The following SSH2 variants were observed in gnomAD, a reference collection of about 807,000 sequenced individuals.
SSH2 encodes slingshot protein phosphatase 2.
Under a neutral mutation model 135.2 loss-of-function variants are expected in SSH2, and 37 were observed. The ratio of observed to expected loss-of-function variants is 0.27; its 90% CI spans 0.21 to 0.36. The LOEUF (loss-of-function observed/expected upper bound fraction) is 0.36, where lower values mean the gene tolerates loss of function less well. Among genes scored for constraint, SSH2 ranks in the 10% least tolerant of loss-of-function variants. The pLI, the probability that SSH2 is intolerant of heterozygous loss-of-function variation, is 1.00. For synonymous variants in SSH2, 628 were observed against 646.2 expected (o/e 0.97, Z 0.43); for missense variants, 1,408 against 1,765.3 (o/e 0.80, Z 3.63).
At chr17:29,652,976 A>C (rs2036638341) in intron 12 of SSH2, among the ~76,000 whole-genome samples, 1 of 152,176 alleles carries the variant, frequency 6.6e-6, no homozygotes, top group Admixed American at 6.5e-5. Flanking sequence ...ATTTAAAATA[A>C]AAATGAACAA....
chr17:29,779,329 T>C (rs190103481), intron 3 of SSH2, among the ~76,000 whole-genome samples: 2 of 152,264 alleles, frequency 1.3e-5, no homozygotes, highest in East Asian at 3.9e-4. Flanking sequence ...GTTAAGTAGC[T>C]AGGAAAAGAG....
chr17:29,928,712 T>G (rs1256647717), intron 1 of SSH2: 1 of 395,018 alleles, frequency 2.5e-6, no homozygotes, highest in Non-Finnish European at 4.5e-6. Context: ...CAACAAAACT[T>G]TGAAATTCAG....
chr17:29,674,605 G>A (rs1014328716), intron 8 of SSH2, among the ~76,000 whole-genome samples: 3 of 151,992 alleles, frequency 2.0e-5, no homozygotes, highest in Non-Finnish European at 4.4e-5. Context: ...TTCCCCCTGT[G>A]ACTTCAACTC....
chr17:29,831,883 C>T (rs2151362836), intron 2 of SSH2, among the ~76,000 whole-genome samples: 1 of 152,128 alleles, frequency 6.6e-6, no homozygotes, highest in East Asian at 1.9e-4. Context: ...TCAGCTGCAA[C>T]TGTTTATACT....
intron 1 of SSH2, among the ~76,000 whole-genome samples, chr17:29,927,937 C>G (rs1452887106): frequency 2.6e-5 from 4 of 152,130 alleles, no homozygotes; most frequent in Non-Finnish European, 5.9e-5. Context: ...ATTAACATAC[C>G]TCAAGATTCT....
chr17:29,797,052 G>A (rs1345494150), intron 2 of SSH2, among the ~76,000 whole-genome samples: 1 of 151,268 alleles, frequency 6.6e-6, no homozygotes, highest in African/African-American at 2.4e-5. Context: ...TCAAACTTCT[G>A]GTCTCAAGTG....
At chr17:29,726,068 G>A (rs2039993708) in intron 3 of SSH2, among the ~76,000 whole-genome samples, 2 of 151,984 alleles carry the variant, frequency 1.3e-5, no homozygotes, top group South Asian at 2.1e-4. Flanking sequence ...GTAAGGAGGT[G>A]GTCAAGATGA....
intron 3 of SSH2, among the ~76,000 whole-genome samples, chr17:29,770,790 T>C (rs1254974968): frequency 2.6e-5 from 4 of 152,164 alleles, no homozygotes; most frequent in African/African-American, 2.4e-5. Context: ...TATTCTCCTA[T>C]GTTTAAATTG....
chr17:29,631,987 C>A lies in SSH2; in HGVS notation c.3207G>T (p.Arg1069Ser). 1 of 1,614,222 alleles carries A rather than the reference C, an allele frequency of 6.2e-7. No individual in the cohort carries two copies. Among genetic ancestry groups the A allele is most frequent in the Non-Finnish European group, 8.5e-7 (1 of 1,180,034 alleles). ...TSEKSGEQGL[R>S]KVNMEKSVTV... ...TGACAGATTTTTCCATGTTCACTTT[C>A]CTCAGCCCTTGCTCTCCGCTCTTCT... Residue 1069 changes from arginine (R) to serine (S), a missense_variant, in exon 16 of 16, where the codon AGG (arginine) becomes AGT (serine). This residue lies in a region of SSH2 where 1,080 missense variants were observed against 1,144.5 expected (regional missense o/e 0.94). Coordinates refer to ENST00000540801, the MANE Select transcript of SSH2 (RefSeq NM_001282129.2).
rs1394493057 is a variant in SSH2, at chr17:29,848,178, C to T, written c.144+671G>A. On this transcript the variant is annotated intron_variant, in intron 2 of 15. Transcript: ENST00000540801. ...TACTCAGGGGGAAGTTCACTTATATCTCAGGATATACTGAGAATTTCCACT... is the reference window on the plus strand; with the variant it reads ...TACTCAGGGGGAAGTTCACTTATATTTCAGGATATACTGAGAATTTCCACT... Among the ~76,000 whole-genome samples, 5 of 152,320 alleles carry T rather than the reference C, an allele frequency of 3.3e-5. No individual in the cohort carries two copies. In the East Asian group the frequency reaches 9.6e-4, roughly 29 times the overall value.
rs375746793 is a variant in SSH2 at position 29,783,059 on chromosome 17, A to AG, written c.188+10834dup. The stretch of plus-strand genomic sequence containing the variant: ...TGGTATAAAGGATAATTTGTTGGGT[A>AG]GGGGGCCATTGAATTGGGAGTGCTG... On this transcript the variant is annotated intron_variant, in intron 3 of 15. Transcript: ENST00000540801. Among the ~76,000 whole-genome samples, 137 of 152,032 alleles carry AG rather than the reference A, an allele frequency of 9.0e-4. 1 individual carries two copies. The highest frequency in any genetic ancestry group is 3.1e-3 in the African/African-American group (129 of 41,486).
At chr17:29,673,064 C>A (rs552973158) in intron 8 of SSH2, among the ~76,000 whole-genome samples, 17 of 152,018 alleles carry the variant, frequency 1.1e-4, no homozygotes, top group Admixed American at 2.6e-4. Context: ...ACTCAGGAAC[C>A]CAAGAAGAGT....
chr17:29,845,293 A>C (rs773123288), intron 2 of SSH2, among the ~76,000 whole-genome samples: 4 of 152,210 alleles, frequency 2.6e-5, no homozygotes, highest in Non-Finnish European at 4.4e-5. Flanking sequence ...TTGCTCTGCA[A>C]ATAACTGCCC....
At chr17:29,652,496 A>C (rs981750888) in intron 12 of SSH2, among the ~76,000 whole-genome samples, 2 of 152,094 alleles carry the variant, frequency 1.3e-5, no homozygotes, top group African/African-American at 4.8e-5. Flanking sequence ...TATACTAAAA[A>C]CCAACAAATT....
chr17:29,813,246 A>T (rs1487557635), intron 2 of SSH2, among the ~76,000 whole-genome samples: 1 of 150,374 alleles, frequency 6.7e-6, no homozygotes, highest in African/African-American at 2.4e-5. Flanking sequence ...AGCCGGGCGC[A>T]GTGGTGAGCG....
At chr17:29,735,227 TAAGA>T (rs550430196) in intron 3 of SSH2, among the ~76,000 whole-genome samples, 2 of 152,226 alleles carry the variant, frequency 1.3e-5, no homozygotes, top group African/African-American at 4.8e-5. Flanking sequence ...TATGGGTAGG[TAAGA>T]ATTCATAGCC....
At chr17:29,848,733 TG>T in intron 2 of SSH2, 115 bp downstream of exon 2, 1 of 633,096 alleles carries the variant, frequency 1.6e-6, no homozygotes, top group Non-Finnish European at 2.7e-6. Flanking sequence ...TTTGGCTGAA[TG>T]GGGTCAAATA....
At chr17:29,923,029 GC>G (rs2067002731) in intron 1 of SSH2, among the ~76,000 whole-genome samples, 1 of 152,150 alleles carries the variant, frequency 6.6e-6, no homozygotes, top group Non-Finnish European at 1.5e-5. Flanking sequence ...TCCTGCCTCA[GC>G]CTCCCAAGTA....
chr17:29,911,283 T>TG (rs1279204264), intron 1 of SSH2, among the ~76,000 whole-genome samples: 1 of 112,688 alleles, frequency 8.9e-6, no homozygotes, highest in Admixed American at 9.9e-5. Flanking sequence ...GAAGAAACTG[T>TG]GCCCCTCAGA....
Sources: allele counts gnomAD v4.1 joint callset (sites outside exome capture counted in the v4.1 genomes callset), GRCh38; gene constraint gnomAD v4.1.1; regional missense constraint gnomAD v4.1.1; transcripts MANE v1.5; gene names NCBI Gene and HGNC (gene_info 2026-07-23, HGNC 2026-07-21).